The following ZDHHC1 variants were observed in gnomAD, a reference collection of about 807,000 sequenced individuals.
The protein encoded by ZDHHC1 is zDHHC palmitoyltransferase 1, also known as palmitoyltransferase ZDHHC1.
A neutral mutation model predicts 46.9 loss-of-function variants in ZDHHC1; 45 were observed. The ratio of observed to expected loss-of-function variants is 0.96; its 90% confidence interval spans 0.76 to 1.23. ZDHHC1 has a LOEUF of 1.23. Ranked by LOEUF, ZDHHC1 falls within the 50% of genes most tolerant of loss-of-function variation. The pLI is 0.00. For missense variants in ZDHHC1, 649 were observed against 670.8 expected, an observed-to-expected ratio of 0.97 and a Z score of 0.36; for synonymous variants, 291 against 286.0, an observed-to-expected ratio of 1.02 and a Z score of -0.18.
intron 4 of ZDHHC1, among the ~76,000 whole-genome samples, chr16:67,400,426 C>G (rs1430270182): frequency 6.6e-6 from 1 of 152,202 alleles, no homozygotes; most frequent in Non-Finnish European, 1.5e-5. Flanking sequence ...AGCCAAATGG[C>G]CCCCCTGGGC....
rs1268622277 is a variant in ZDHHC1, at chr16:67,394,537, G to A, written c.*73C>T. On this transcript the variant is annotated 3_prime_UTR_variant, in exon 12 of 12. Coordinates refer to ENST00000565726, the MANE Select transcript of ZDHHC1 (RefSeq NM_001323627.2). ...TAGGGGCCCCTAAAGTGCACTCGGTGCGGCAAGGATGGGGTGTTGCATAGA... is the reference window on the plus strand; with the variant it reads ...TAGGGGCCCCTAAAGTGCACTCGGTACGGCAAGGATGGGGTGTTGCATAGA... The A allele has an allele frequency of 9.0e-7, 1 of 1,116,430 alleles. No homozygotes were observed. The highest frequency in any genetic ancestry group is 5.0e-5 in the East Asian group (1 of 19,810). 69.2% of individuals were successfully genotyped at this position (1,116,430 alleles called of 1,614,324 possible).
chr16:67,395,879 G>A (rs1219149649), intron 8 of ZDHHC1: 1 of 371,480 alleles, frequency 2.7e-6, no homozygotes, highest in African/African-American at 2.1e-5. Context: ...GAAGCTCAGA[G>A]CTGCCCGCAC....
intron 3 of ZDHHC1, chr16:67,404,694 A>G (rs2040620657): frequency 2.2e-6 from 1 of 455,492 alleles, no homozygotes; most frequent in Non-Finnish European, 4.4e-6. Context: ...TCAGGAAGTC[A>G]CAGAACCTCT....
In ZDHHC1 at chr16:67,394,677, G is replaced by C. The variant is rs1196953413; in HGVS notation, c.1382C>G (p.Ala461Gly). Residue 461 changes from alanine to glycine, a missense_variant, in exon 12 of 12, where the codon GCC (alanine) becomes GGC (glycine). By Grantham distance (60) the Ala-to-Gly change is moderately conservative. Transcript: ENST00000565726. ...PTLARQARAP[A>G]VFVSPSSGEP... is the part of the protein sequence containing the mutation. Reference sequence around the variant, plus strand: ...GCCGCTGCTCGGGCTCACGAAAACGGCGGGCGCACGCGCCTGCCGCGCCAG... The same window carrying C: ...GCCGCTGCTCGGGCTCACGAAAACGCCGGGCGCACGCGCCTGCCGCGCCAG... 9.6e-6 allele frequency: 12 copies of C among 1,252,526 alleles called. No individual in the cohort carries two copies. The highest frequency in any genetic ancestry group is 1.2e-5 in the Non-Finnish European group (12 of 1,001,898). 77.6% of individuals were successfully genotyped at this position (1,252,526 alleles called of 1,614,324 possible).
chr16:67,412,540 G>A (rs901124207), intron 1 of ZDHHC1, among the ~76,000 whole-genome samples: 1 of 152,170 alleles, frequency 6.6e-6, no homozygotes, highest in Non-Finnish European at 1.5e-5. Flanking sequence ...ACGCTTGGCT[G>A]CAGAGCTATG....
At position 67,407,707 on chromosome 16, in the gene ZDHHC1, G is replaced by A. The variant is rs962757731; in HGVS notation, c.9+60C>T. The A allele has an allele frequency of 7.7e-6, 6 of 780,174 alleles. No homozygotes were observed. The Admixed American group carries it at 1.0e-4, about 13-fold the overall frequency. The allele number at this position is 780,174 out of a possible 1,614,324, so 48.3% of individuals were successfully genotyped here. ...TTTCCCCAAAGGCAGCAAATGTGCT[G>A]GGTGGGGTTTATTCATCTCTGTCCC... is the stretch of plus-strand genomic sequence containing the variant. On this transcript the variant is annotated intron_variant, in intron 2 of 11. Coordinates refer to ENST00000565726, the MANE Select transcript of ZDHHC1 (RefSeq NM_001323627.2).
rs1189382252 is a variant in ZDHHC1, at chr16:67,401,554, T to C, written c.253-422A>G. Among the ~76,000 whole-genome samples the C allele has an allele frequency of 6.6e-6, 1 of 152,152 alleles. No individual in the cohort carries two copies. The highest frequency in any genetic ancestry group is 1.5e-5 in the Non-Finnish European group (1 of 68,034). On this transcript the variant is annotated intron_variant, in intron 3 of 11. Transcript: ENST00000565726. This position sits in a 1 kb window ranked among gnomAD's most constrained non-coding sequence, Gnocchi z 4.6. ...AGAACCTGAAGTTTAAGTCCCAGCT[T>C]CCTTATCTTGCTTTCATAGGAAGTC...
intron 1 of ZDHHC1, 83 bp from the exon 2 acceptor site, chr16:67,407,896 TTCCA>T: frequency 1.4e-6 from 1 of 709,238 alleles, no homozygotes; most frequent in Non-Finnish European, 2.7e-6. Context: ...TTCTCCTGCC[TTCCA>T]TCCATCCAGC....
Position 67,395,284 on chromosome 16 carries a change from A to C in ZDHHC1, c.1011-4T>G. The C allele has an allele frequency of 6.5e-7, 1 of 1,536,428 alleles. No individual in the cohort carries two copies. The highest frequency in any genetic ancestry group is 8.8e-7 in the Non-Finnish European group (1 of 1,139,506). ...GGTGGCAAGAAACTGGGAGGGACTG[A>C]GGGGGAAGCAGGAGGGTAAGCCTGG... On this transcript the variant is annotated splice_region_variant and splice_polypyrimidine_tract_variant and intron_variant, in intron 9 of 11. Transcript: ENST00000565726.
At chr16:67,414,407 G>A (rs529162856) in intron 1 of ZDHHC1, among the ~76,000 whole-genome samples, 5 of 152,208 alleles carry the variant, frequency 3.3e-5, no homozygotes, top group Admixed American at 3.3e-4. Context: ...CCTCACCCGT[G>A]TCTGAACCCA....
chr16:67,407,657 T>C (rs2040686134), intron 2 of ZDHHC1, 110 bp downstream of exon 2: 2 of 753,460 alleles, frequency 2.7e-6, no homozygotes, highest in African/African-American at 1.7e-5. Context: ...TTTGCAATCC[T>C]CATGTCTGCC....
At position 67,395,511 on chromosome 16, in the gene ZDHHC1, T is replaced by G; in HGVS notation, c.983A>C (p.Gln328Pro). The change falls in exon 9 of 12, where the codon CAG becomes CCG. Residue 328 changes from glutamine to proline, a missense_variant. Gln to Pro is a moderately conservative substitution (Grantham distance 76). Transcript: ENST00000565726. ...GGCATTCACTGCTGCTGGCCCGGCCTGGCCAGGGGGCTCTGGGCGCATATG... is the reference window on the plus strand; with the variant it reads ...GGCATTCACTGCTGCTGGCCCGGCCGGGCCAGGGGGCTCTGGGCGCATATG... Reference protein sequence around the residue: ...FRHMRPEPPGQAGPAAVNANP... With the variant: ...FRHMRPEPPGPAGPAAVNANP... 1 of 1,555,112 alleles carries G rather than the reference T, an allele frequency of 6.4e-7. No individual in the cohort carries two copies. Among genetic ancestry groups the G allele is most frequent in the Non-Finnish European group, 8.7e-7 (1 of 1,148,722 alleles).
chr16:67,399,619 G>A (rs1256295762), intron 4 of ZDHHC1, among the ~76,000 whole-genome samples, 163 bp from the exon 5 acceptor site: 1 of 152,174 alleles, frequency 6.6e-6, no homozygotes, highest in Non-Finnish European at 1.5e-5. Context: ...CAGGCGCTGC[G>A]GGGTGGGTCC....
intron 3 of ZDHHC1, among the ~76,000 whole-genome samples, chr16:67,403,910 G>A (rs940203360): frequency 3.9e-5 from 6 of 152,146 alleles, no homozygotes; most frequent in Non-Finnish European, 7.3e-5. Context: ...CATCGCGCCC[G>A]GCCTTGAGCC....
At chr16:67,412,064 G>T (rs1423849827) in intron 1 of ZDHHC1, among the ~76,000 whole-genome samples, 1 of 151,838 alleles carries the variant, frequency 6.6e-6, no homozygotes, top group Non-Finnish European at 1.5e-5. Flanking sequence ...AGTGAGCCGA[G>T]ATCGTGCCAC....
chr16:67,399,311 A>C, intron 5 of ZDHHC1, 44 bp downstream of exon 5: 2 of 1,549,728 alleles, frequency 1.3e-6, no homozygotes, highest in African/African-American at 2.7e-5. Flanking sequence ...TCCCACCCTC[A>C]GACAGTGCAT....
intron 3 of ZDHHC1, chr16:67,404,312 A>G (rs1044391204): frequency 5.3e-6 from 1 of 187,572 alleles, no homozygotes; most frequent in Admixed American, 5.4e-5. Context: ...AGTCTGCTGC[A>G]CTTACCATGT....
At position 67,394,781 on chromosome 16, in the gene ZDHHC1, C is replaced by G. The variant is rs2040385436; in HGVS notation, c.1278G>C (p.Val426=). 6.5e-7 allele frequency: 1 copy of G among 1,533,072 alleles called. No homozygotes were observed. Among genetic ancestry groups the G allele is most frequent in the Non-Finnish European group, 8.7e-7 (1 of 1,145,066 alleles). The allele number at this position is 1,533,072 out of a possible 1,614,324, so 95.0% of individuals were successfully genotyped here. A position where few individuals can be genotyped will look rare whatever the true frequency, so the allele number is the denominator to read the frequency against. The change falls in exon 12 of 12, where the codon GTG becomes GTC. Residue 426 remains valine, a synonymous_variant. Transcript: ENST00000565726. ...GCGTCTGCGCCACTGGAATCTCGTC[C>G]ACGGACTCTGCCGACGCCGAGTGGT... ...GAYHSASAES[V]DEIPVAQTRL...
chr16:67,398,001 GGT>G (rs2040464504), intron 8 of ZDHHC1, among the ~76,000 whole-genome samples: 1 of 152,214 alleles, frequency 6.6e-6, no homozygotes, highest in Non-Finnish European at 1.5e-5. Context: ...CGCCTGGGCA[GGT>G]GTGTACGTGG....
Sources: allele counts gnomAD v4.1 joint callset (sites outside exome capture counted in the v4.1 genomes callset), GRCh38; gene constraint gnomAD v4.1.1; non-coding constraint Gnocchi (gnomAD v3.1); transcripts MANE v1.5; gene names NCBI Gene and HGNC (gene_info 2026-07-23, HGNC 2026-07-21).